The following IMPG1 variants were observed in gnomAD, a reference collection of about 807,000 sequenced individuals.
The protein encoded by IMPG1 is interphotoreceptor matrix proteoglycan of 150 kDa.
IMPG1 carries 85 observed loss-of-function variants against 92.0 expected under a neutral mutation model. That is an observed-to-expected ratio of 0.92 (90% CI 0.78 to 1.11). IMPG1 has a LOEUF of 1.11. IMPG1 is among the 50% of genes least tolerant of loss of function. The pLI is 0.00. For synonymous variants in IMPG1, 367 were observed against 334.1 expected, an observed-to-expected ratio of 1.10 and a Z score of -1.08; for missense variants, 1,022 against 956.0, an observed-to-expected ratio of 1.07 and a Z score of -0.91.
chr6:76,036,536 A>G (rs957743601), intron 2 of IMPG1, among the ~76,000 whole-genome samples: 1 of 152,214 alleles, frequency 6.6e-6, no homozygotes, highest in African/African-American at 2.4e-5. Flanking sequence ...ATTTCTTTTT[A>G]CATATAAATC....
intron 12 of IMPG1, among the ~76,000 whole-genome samples, chr6:75,989,218 A>G (rs2149472546): frequency 6.6e-6 from 1 of 152,300 alleles, no homozygotes; most frequent in Middle Eastern, 3.4e-3. Flanking sequence ...CCCCCCGAGT[A>G]GTAATTACAG....
chr6:76,069,490 A>C (rs1010467753), intron 1 of IMPG1, among the ~76,000 whole-genome samples: 1 of 152,208 alleles, frequency 6.6e-6, no homozygotes, highest in African/African-American at 2.4e-5. Flanking sequence ...CAAAGGGCTA[A>C]TATCCAGAAT....
In IMPG1 at chr6:75,921,867, G is replaced by A. The variant is rs924518088; in HGVS notation, c.*222C>T. 9.5e-5 allele frequency: 36 copies of A among 380,800 alleles called. No individual in the cohort carries two copies. Among genetic ancestry groups the A allele is most frequent in the African/African-American group, 6.8e-4 (32 of 47,194 alleles). The allele number at this position is 380,800 out of a possible 1,614,324, so 23.6% of individuals were successfully genotyped here. Reference sequence around the variant, plus strand: ...ATAGTAAAAATATGTTTCGCTGATTGCATTTGGGGTTTTAATAATAAGTAA... The same window carrying A: ...ATAGTAAAAATATGTTTCGCTGATTACATTTGGGGTTTTAATAATAAGTAA... On this transcript the variant is annotated 3_prime_UTR_variant, in exon 17 of 17. Coordinates refer to ENST00000369950, the MANE Select transcript of IMPG1 (RefSeq NM_001563.4).
At chr6:75,964,611 A>G (rs1782271055) in intron 12 of IMPG1, among the ~76,000 whole-genome samples, 1 of 145,962 alleles carries the variant, frequency 6.9e-6, no homozygotes, top group South Asian at 2.2e-4. Context: ...CAGGAGGCAG[A>G]CGTTGCACTG....
chr6:75,995,557 G>A (rs1199010429), intron 12 of IMPG1, among the ~76,000 whole-genome samples: 1 of 152,130 alleles, frequency 6.6e-6, no homozygotes, highest in Admixed American at 6.5e-5. Flanking sequence ...TCAGATCTCA[G>A]TTTAAACATT....
At position 75,930,869 on chromosome 6, in the gene IMPG1, C is replaced by G. The variant is rs1464228361; in HGVS notation, c.2243+84G>C. Reference sequence around the variant, plus strand: ...TTTAAAAACCATGGGTTGAAAGGACCATATGAATTTACTCTAATGATGGGT... The same window carrying G: ...TTTAAAAACCATGGGTTGAAAGGACGATATGAATTTACTCTAATGATGGGT... On this transcript the variant is annotated intron_variant, in intron 15 of 16. Transcript: ENST00000369950. 4.9e-6 allele frequency: 6 copies of G among 1,218,792 alleles called. No individual in the cohort carries two copies. In the East Asian group the frequency reaches 9.3e-5, roughly 19 times the overall value. The allele number at this position is 1,218,792 out of a possible 1,614,324, so 75.5% of individuals were successfully genotyped here. A position where few individuals can be genotyped will look rare whatever the true frequency, so the allele number is the denominator to read the frequency against.
chr6:75,939,841 G>C lies in IMPG1; in HGVS notation c.2044+7473C>G, dbSNP rs569440498. ...GGAGCCTAACATTGGAGGGCGCCTTGCTCTAAGTTGTAAGACAAGAGGTAG... is the reference window on the plus strand; with the variant it reads ...GGAGCCTAACATTGGAGGGCGCCTTCCTCTAAGTTGTAAGACAAGAGGTAG... On this transcript the variant is annotated intron_variant, in intron 14 of 16. Coordinates refer to ENST00000369950, the MANE Select transcript of IMPG1 (RefSeq NM_001563.4). Among the ~76,000 whole-genome samples, 424 of 152,268 alleles carry C rather than the reference G, an allele frequency of 2.8e-3. 2 individuals carry two copies. The highest frequency in any genetic ancestry group is 9.9e-3 in the African/African-American group (410 of 41,550).
intron 12 of IMPG1, among the ~76,000 whole-genome samples, chr6:75,958,504 C>T (rs1231772078): frequency 6.6e-6 from 1 of 152,152 alleles, no homozygotes; most frequent in African/African-American, 2.4e-5. Flanking sequence ...CCATTCGCCC[C>T]CTGCATCACT....
chr6:75,974,359 CTTT>C (rs1782479729), intron 12 of IMPG1, among the ~76,000 whole-genome samples: 1 of 111,916 alleles, frequency 8.9e-6, no homozygotes, highest in Non-Finnish European at 1.8e-5. Flanking sequence ...TTCTTTCTTT[CTTT>C]CTTTCTTTCT....
intron 12 of IMPG1, among the ~76,000 whole-genome samples, chr6:75,987,671 G>T (rs1466462495): frequency 1.3e-5 from 2 of 150,156 alleles, no homozygotes; most frequent in African/African-American, 4.9e-5. Context: ...TTGAGACAGG[G>T]TCTCACTCTG....
chr6:76,067,500 T>C (rs1784330403), intron 1 of IMPG1, among the ~76,000 whole-genome samples: 1 of 151,740 alleles, frequency 6.6e-6, no homozygotes, highest in Non-Finnish European at 1.5e-5. Flanking sequence ...GAAATAGAAA[T>C]CCTGAATAGA....
chr6:75,957,418 AT>A (rs1782146185), intron 12 of IMPG1, among the ~76,000 whole-genome samples: 1 of 152,218 alleles, frequency 6.6e-6, no homozygotes, highest in South Asian at 2.1e-4. Context: ...GTAGATGTCT[AT>A]TAGGTCCGCT....
chr6:75,943,252 C>T (rs1211283844), intron 14 of IMPG1, among the ~76,000 whole-genome samples: 1 of 152,136 alleles, frequency 6.6e-6, no homozygotes, highest in Non-Finnish European at 1.5e-5. Context: ...TAGTGGTCCC[C>T]TCTGAATCTC....
At chr6:76,015,629 T>A (rs1185211306) in intron 7 of IMPG1, among the ~76,000 whole-genome samples, 3 of 151,688 alleles carry the variant, frequency 2.0e-5, no homozygotes, top group Non-Finnish European at 4.4e-5. Context: ...GGTGAACTCC[T>A]GTCTCTACTA....
intron 10 of IMPG1, among the ~76,000 whole-genome samples, chr6:76,004,559 T>C (rs1171025378): frequency 1.3e-5 from 2 of 152,238 alleles, no homozygotes; most frequent in African/African-American, 4.8e-5. Context: ...TTTCATGCCA[T>C]GTTGTACTAA....
rs777997248 is a variant in IMPG1, at chr6:76,002,976, T to A, written c.1233A>T (p.Glu411Asp). The A allele has an allele frequency of 6.2e-7, 1 of 1,613,568 alleles. No homozygotes were observed. Among genetic ancestry groups the A allele is most frequent in the Non-Finnish European group, 8.5e-7 (1 of 1,179,592 alleles). The change falls in exon 12 of 17, where the codon GAA becomes GAT. Residue 411 changes from glutamate (E) to aspartate (D), a missense_variant. By Grantham distance (45) the Glu-to-Asp change is conservative. Around this residue, in one of 3 missense-constraint regions of IMPG1, gnomAD observed 681 missense variants for 583.6 expected, o/e 1.17. Transcript: ENST00000369950. ...VITEDATLSP[E>D]LPPVEPQLET... The stretch of plus-strand genomic sequence containing the variant: ...CAAGCTGGGGTTCAACAGGAGGAAG[T>A]TCTGGACTCAAAGTAGCATCCTGAA...
chr6:76,070,845 A>G (rs1784393395), intron 1 of IMPG1, among the ~76,000 whole-genome samples: 1 of 152,098 alleles, frequency 6.6e-6, no homozygotes. Context: ...GGAATGAGGG[A>G]TGAAAAATTA....
rs1009786043 is a variant in IMPG1 at position 75,931,067 on chromosome 6, C to T, written c.2129G>A (p.Cys710Tyr). Reference sequence around the variant, plus strand: ...GCTGTCATATCCTGGTTTGCAGCGACACTCCGCTTCCTCAGTCCGTTCGTT... The same window carrying T: ...GCTGTCATATCCTGGTTTGCAGCGATACTCCGCTTCCTCAGTCCGTTCGTT... Reference protein sequence around the residue: ...VKNERTEEAECRCKPGYDSQG... With the variant: ...VKNERTEEAEYRCKPGYDSQG... The change falls in exon 15 of 17, where the codon TGT becomes TAT. Residue 710 changes from cysteine (C) to tyrosine (Y), a missense_variant. Physicochemically the swap from Cys to Tyr is radical, Grantham distance 194. Transcript: ENST00000369950. 3.1e-6 allele frequency: 5 copies of T among 1,614,064 alleles called. No homozygotes were observed. Among genetic ancestry groups the T allele is most frequent in the Non-Finnish European group, 3.4e-6 (4 of 1,180,030 alleles).
At chr6:76,044,742 G>A (rs762703773) in intron 1 of IMPG1, among the ~76,000 whole-genome samples, 4 of 148,636 alleles carry the variant, frequency 2.7e-5, no homozygotes, top group Non-Finnish European at 5.9e-5. Context: ...TCCTATCAGG[G>A]TAGGTAACTT....
Sources: gnomAD v4.1 joint callset for allele counts (sites outside exome capture counted in the v4.1 genomes callset) on GRCh38, gnomAD v4.1.1 for gene constraint, gnomAD v4.1.1 regional missense constraint, MANE v1.5 for transcripts, NCBI Gene and HGNC (gene_info 2026-07-23, HGNC 2026-07-21) for gene names.